The following SEPSECS variants were observed in gnomAD, a reference collection of about 807,000 sequenced individuals.
SEPSECS encodes the protein Sep (O-phosphoserine) tRNA:Sec (selenocysteine) tRNA synthase.
SEPSECS carries 42 observed loss-of-function variants against 52.1 expected under a neutral mutation model. The ratio of observed to expected loss-of-function variants is 0.81; its 90% confidence interval spans 0.63 to 1.04. SEPSECS has a LOEUF of 1.04. Among genes scored for constraint, SEPSECS ranks in the 50% least tolerant of loss-of-function variants. SEPSECS has a pLI of 0.00. For synonymous variants in SEPSECS, 216 were observed against 211.4 expected, an observed-to-expected ratio of 1.02 and a Z score of -0.19; for missense variants, 590 against 610.6, an observed-to-expected ratio of 0.97 and a Z score of 0.36.
chr4:25,124,247 A>C (rs746269016), intron 10 of SEPSECS, 22 bp from the exon 11 acceptor site: 6 of 1,608,066 alleles, frequency 3.7e-6, no homozygotes, highest in African/African-American at 1.3e-5. Flanking sequence ...AAGATTTACC[A>C]ATTTAATATG....
intron 6 of SEPSECS, 95 bp from the exon 7 acceptor site, chr4:25,145,228 G>T: frequency 7.8e-7 from 1 of 1,286,456 alleles, no homozygotes; most frequent in Non-Finnish European, 1.1e-6. Context: ...AACTATTTGA[G>T]TTAATTAATA....
intron 8 of SEPSECS, among the ~76,000 whole-genome samples, chr4:25,143,937 T>C (rs1183717477): frequency 6.6e-6 from 1 of 152,234 alleles, no homozygotes; most frequent in Non-Finnish European, 1.5e-5. Flanking sequence ...CTCTGTCTTT[T>C]GGAGGTGTCC....
chr4:25,131,888 A>G (rs973229816), intron 8 of SEPSECS, among the ~76,000 whole-genome samples: 1 of 152,218 alleles, frequency 6.6e-6, no homozygotes, highest in African/African-American at 2.4e-5. Flanking sequence ...CAGAATAATG[A>G]TCTTCTCCAG....
At position 25,156,004 on chromosome 4, in the gene SEPSECS, T is replaced by C. The variant is rs759429270; in HGVS notation, c.547+33A>G. 11 of 1,564,100 alleles carry C rather than the reference T, an allele frequency of 7.0e-6. 1 individual carries two copies. In the African/African-American group the frequency reaches 8.1e-5, roughly 12 times the overall value. ...AGAAATCTGAATTTCATAATTATGATGTTTAAAACATTATGTATGACACTT... is the reference window on the plus strand; with the variant it reads ...AGAAATCTGAATTTCATAATTATGACGTTTAAAACATTATGTATGACACTT... On this transcript the variant is annotated intron_variant, in intron 4 of 10. Coordinates refer to ENST00000382103, the MANE Select transcript of SEPSECS (RefSeq NM_016955.4).
intron 8 of SEPSECS, among the ~76,000 whole-genome samples, chr4:25,138,066 G>C (rs1424252190): frequency 6.6e-6 from 1 of 152,124 alleles, no homozygotes; most frequent in Non-Finnish European, 1.5e-5. Flanking sequence ...CTGTCAGAGG[G>C]GTGCAGGGGG....
At chr4:25,144,389 C>T (rs1354736928) in intron 8 of SEPSECS, among the ~76,000 whole-genome samples, 1 of 149,824 alleles carries the variant, frequency 6.7e-6, no homozygotes. Flanking sequence ...TTGTGACTGA[C>T]ATCTCACTCC....
rs111786898 is a variant in SEPSECS at position 25,156,247 on chromosome 4, T to C, written c.389-52A>G. The C allele has an allele frequency of 6.6e-4, 991 of 1,496,242 alleles. 10 individuals carry two copies. In the African/African-American group the frequency reaches 0.012, roughly 18 times the overall value. The allele number at this position is 1,496,242 out of a possible 1,614,324, so 92.7% of individuals were successfully genotyped here. ...CTGTTATCCCGCTAAGCACCCAGCA[T>C]CCTTCTTGAGGAAATAATATATTTC... is the stretch of plus-strand genomic sequence containing the variant. On this transcript the variant is annotated intron_variant, in intron 3 of 10. Coordinates refer to ENST00000382103, the MANE Select transcript of SEPSECS (RefSeq NM_016955.4).
chr4:25,156,908 G>A lies in SEPSECS; in HGVS notation c.336C>T (p.Ser112=), dbSNP rs1000651301. The change falls in exon 3 of 11, where the codon AGC becomes AGT. Residue 112 remains serine, a synonymous_variant. Coordinates refer to ENST00000382103, the MANE Select transcript of SEPSECS (RefSeq NM_016955.4). ...AAGAATTGGTAATTTTGTTCAAAAG[G>A]CTAGAGCCTGCAGCTTTTGGTTGCA... ...SAVQPKAAGS[S]LLNKITNSLV... 7 of 1,613,108 alleles carry A rather than the reference G, an allele frequency of 4.3e-6. No individual in the cohort carries two copies. Among genetic ancestry groups the A allele is most frequent in the Non-Finnish European group, 5.9e-6 (7 of 1,179,240 alleles).
At chr4:25,126,958 G>C (rs1400769291) in intron 9 of SEPSECS, among the ~76,000 whole-genome samples, 3 of 152,148 alleles carry the variant, frequency 2.0e-5, no homozygotes, top group Admixed American at 2.0e-4. Flanking sequence ...ACCCGACCTG[G>C]AGAAAGATTT....
intron 8 of SEPSECS, among the ~76,000 whole-genome samples, chr4:25,130,480 A>G (rs1728565026): frequency 1.3e-5 from 2 of 152,218 alleles, no homozygotes; most frequent in Admixed American, 1.3e-4. Flanking sequence ...TGTAGGTAAT[A>G]TTAGGATAGT....
intron 8 of SEPSECS, among the ~76,000 whole-genome samples, chr4:25,141,540 C>G (rs1364342279): frequency 6.6e-6 from 1 of 152,158 alleles, no homozygotes; most frequent in African/African-American, 2.4e-5. Flanking sequence ...AAACCTGACT[C>G]TAACCACTTC....
At chr4:25,149,391 G>A (rs1237417579) in intron 6 of SEPSECS, among the ~76,000 whole-genome samples, 4 of 151,904 alleles carry the variant, frequency 2.6e-5, no homozygotes, top group Admixed American at 6.6e-5. Flanking sequence ...CTCTTCAGGT[G>A]CACCACCAAA....
At chr4:25,138,161 C>T (rs1432889285) in intron 8 of SEPSECS, among the ~76,000 whole-genome samples, 2 of 152,158 alleles carry the variant, frequency 1.3e-5, no homozygotes, top group African/African-American at 2.4e-5. Flanking sequence ...ACCACCATGG[C>T]ACACGTTTAC....
Position 25,121,326 on chromosome 4 carries a change from C to A in SEPSECS, c.*2605G>T, listed in dbSNP as rs916728388. ...AGAATATTCTATGTTCCACCATTTT[C>A]TTTTCTAAGCACACTGCCACAGCCC... is the stretch of plus-strand genomic sequence containing the variant. On this transcript the variant is annotated 3_prime_UTR_variant, in exon 11 of 11. Coordinates refer to ENST00000382103, the MANE Select transcript of SEPSECS (RefSeq NM_016955.4). 1 of 152,112 alleles carries A rather than the reference C, an allele frequency of 6.6e-6. No homozygotes were observed. The highest frequency in any genetic ancestry group is 1.5e-5 in the Non-Finnish European group (1 of 67,990). 9.4% of individuals were successfully genotyped at this position (152,112 alleles called of 1,614,324 possible).
chr4:25,142,582 G>C (rs1045851490), intron 8 of SEPSECS, among the ~76,000 whole-genome samples: 1 of 152,028 alleles, frequency 6.6e-6, no homozygotes, highest in African/African-American at 2.4e-5. Context: ...ATGTTTACTC[G>C]AATCTTATCC....
intron 8 of SEPSECS, 30 bp from the exon 9 acceptor site, chr4:25,127,387 A>T (rs771087444): frequency 6.7e-7 from 1 of 1,491,366 alleles, no homozygotes; most frequent in Non-Finnish European, 9.3e-7. Context: ...CATTTAAAAC[A>T]AATCAAATAT....
intron 8 of SEPSECS, among the ~76,000 whole-genome samples, chr4:25,136,580 TA>T (rs1408146426): frequency 6.6e-6 from 1 of 151,938 alleles, no homozygotes; most frequent in Non-Finnish European, 1.5e-5. Context: ...CAAACAAATG[TA>T]AAAACATTCC....
At chr4:25,126,815 T>C (rs1728392090) in intron 9 of SEPSECS, among the ~76,000 whole-genome samples, 1 of 152,192 alleles carries the variant, frequency 6.6e-6, no homozygotes, top group Admixed American at 6.5e-5. Flanking sequence ...GAGAAAGTTT[T>C]GTTTATTTGT....
intron 8 of SEPSECS, among the ~76,000 whole-genome samples, chr4:25,134,799 G>A (rs1728768608): frequency 6.6e-6 from 1 of 152,054 alleles, no homozygotes; most frequent in Non-Finnish European, 1.5e-5. Flanking sequence ...CATTATAATG[G>A]CAGCATATAG....
Sources: allele counts gnomAD v4.1 joint callset (sites outside exome capture counted in the v4.1 genomes callset), GRCh38; gene constraint gnomAD v4.1.1; transcripts MANE v1.5; gene names NCBI Gene and HGNC (gene_info 2026-07-23, HGNC 2026-07-21).